Variants in AGMO observed in about 807,000 individuals in gnomAD.
AGMO encodes glyceryl-ether monooxygenase.
In AGMO, 75 loss-of-function variants were observed where a neutral mutation model predicts 60.2. The observed-to-expected ratio is 1.25, with a 90% CI of 1.03 to 1.51. The LOEUF is 1.51. AGMO is among the 40% of genes most tolerant of loss of function. AGMO has a pLI of 0.00. For synonymous variants in AGMO, 261 were observed against 177.1 expected (o/e 1.47, Z -3.76); for missense variants, 763 against 525.5 (o/e 1.45, Z -4.42).
intron 10 of AGMO, among the ~76,000 whole-genome samples, chr7:15,381,108 C>A (rs766746122): frequency 1.1e-4 from 17 of 152,034 alleles, no homozygotes; most frequent in Non-Finnish European, 2.5e-4. Flanking sequence ...CCATTCAGGA[C>A]ACAGACAAAA....
intron 12 of AGMO, among the ~76,000 whole-genome samples, chr7:15,256,058 G>T (rs1425903021): frequency 1.3e-5 from 2 of 152,210 alleles, no homozygotes; most frequent in Admixed American, 1.3e-4. Context: ...AATACTTGAG[G>T]TGGTAAACCC....
At chr7:15,499,985 A>C (rs1361605254) in intron 3 of AGMO, among the ~76,000 whole-genome samples, 2 of 150,534 alleles carry the variant, frequency 1.3e-5, no homozygotes, top group Non-Finnish European at 3.0e-5. Context: ...TGGATTTTGA[A>C]GTAAGAGTTA....
At chr7:15,558,023 C>G (rs140170674) in intron 2 of AGMO, among the ~76,000 whole-genome samples, 6 of 150,518 alleles carry the variant, frequency 4.0e-5, no homozygotes, top group African/African-American at 9.8e-5. Context: ...CTCTCTCCCC[C>G]CTTTCCCCTT....
chr7:15,478,957 A>G (rs1009095623), intron 3 of AGMO, among the ~76,000 whole-genome samples: 3 of 152,126 alleles, frequency 2.0e-5, no homozygotes, highest in South Asian at 2.1e-4. Flanking sequence ...GGGAAACTTA[A>G]TCTTGTATAG....
chr7:15,387,921 T>TTTC (rs1554265131), intron 8 of AGMO, among the ~76,000 whole-genome samples: 5 of 146,748 alleles, frequency 3.4e-5, no homozygotes, highest in African/African-American at 7.8e-5. Flanking sequence ...TTTTTTTTTT[T>TTTC]CCCCAAGACA....
At chr7:15,351,206 G>A (rs540914804) in intron 12 of AGMO, among the ~76,000 whole-genome samples, 79 of 152,036 alleles carry the variant, frequency 5.2e-4, no homozygotes, top group Non-Finnish European at 1.0e-3. Flanking sequence ...ATGGGAAAGG[G>A]TCCTCATGAA....
chr7:15,197,946 G>A (rs1032821111), downstream of AGMO, among the ~76,000 whole-genome samples: 1 of 152,086 alleles, frequency 6.6e-6, no homozygotes, highest in Non-Finnish European at 1.5e-5. Context: ...TCATGGGCCT[G>A]TACAAGTTAT....
chr7:15,379,893 G>C (rs1409788960), intron 10 of AGMO, among the ~76,000 whole-genome samples: 3 of 152,068 alleles, frequency 2.0e-5, no homozygotes, highest in Admixed American at 2.0e-4. Context: ...TACGTTAACA[G>C]AACTAAAGAC....
At chr7:15,498,860 G>T (rs1326837663) in intron 3 of AGMO, among the ~76,000 whole-genome samples, 1 of 151,874 alleles carries the variant, frequency 6.6e-6, no homozygotes, top group Non-Finnish European at 1.5e-5. Flanking sequence ...AGTGCTTCTA[G>T]ATTTCGAACT....
intron 12 of AGMO, among the ~76,000 whole-genome samples, chr7:15,276,263 C>G (rs13227025): frequency 6.6e-6 from 1 of 152,066 alleles, no homozygotes; most frequent in East Asian, 1.9e-4. Flanking sequence ...TTGTCTGGGA[C>G]AGACTATTTC....
chr7:15,329,633 C>T (rs933223330), intron 12 of AGMO, among the ~76,000 whole-genome samples: 6 of 152,156 alleles, frequency 3.9e-5, no homozygotes, highest in South Asian at 2.1e-4. Flanking sequence ...ATACTAAAGG[C>T]GTCGCTTAAT....
intron 10 of AGMO, among the ~76,000 whole-genome samples, chr7:15,381,453 AT>A (rs1783681398): frequency 6.6e-6 from 1 of 152,174 alleles, no homozygotes; most frequent in Admixed American, 6.5e-5. Flanking sequence ...TGTTAGAGAA[AT>A]GCAAATCAAA....
At chr7:15,366,700 C>G (rs1782997903) in intron 10 of AGMO, among the ~76,000 whole-genome samples, 1 of 151,992 alleles carries the variant, frequency 6.6e-6, no homozygotes, top group African/African-American at 2.4e-5. Flanking sequence ...TACACATATA[C>G]ACTCATATTT....
chr7:15,230,176 T>C (rs1782217206), intron 12 of AGMO, among the ~76,000 whole-genome samples: 1 of 152,056 alleles, frequency 6.6e-6, no homozygotes, highest in Admixed American at 6.6e-5. Context: ...GAAACAGTAA[T>C]ACCAGCAGCA....
the AGMO span, among the ~76,000 whole-genome samples, chr7:15,147,472 C>T: frequency 6.6e-6 from 1 of 152,086 alleles, no homozygotes; most frequent in Non-Finnish European, 1.5e-5. Flanking sequence ...GAGACTTATT[C>T]ACTATCCCAA....
At chr7:15,349,911 TG>T (rs898270814) in intron 12 of AGMO, among the ~76,000 whole-genome samples, 2 of 151,988 alleles carry the variant, frequency 1.3e-5, no homozygotes, top group Admixed American at 6.6e-5. Flanking sequence ...TCCTATGACA[TG>T]GGGGGATTAT....
intron 12 of AGMO, among the ~76,000 whole-genome samples, chr7:15,286,391 T>A (rs1034924987): frequency 2.6e-5 from 4 of 151,190 alleles, no homozygotes; most frequent in African/African-American, 9.7e-5. Flanking sequence ...AAACAAATAA[T>A]CCCATCAAAA....
At chr7:15,360,213 C>G (rs1318247267) in intron 12 of AGMO, among the ~76,000 whole-genome samples, 1 of 152,172 alleles carries the variant, frequency 6.6e-6, no homozygotes, top group Non-Finnish European at 1.5e-5. Flanking sequence ...ACTCAAAAAT[C>G]TGGTTGGAAT....
At chr7:15,242,177 T>C (rs1782609578) in intron 12 of AGMO, among the ~76,000 whole-genome samples, 1 of 152,160 alleles carries the variant, frequency 6.6e-6, no homozygotes, top group African/African-American at 2.4e-5. Flanking sequence ...TCATACATAA[T>C]CAGGGCATGA....
Sources: allele counts gnomAD v4.1 joint callset (sites outside exome capture counted in the v4.1 genomes callset), GRCh38; gene constraint gnomAD v4.1.1; transcripts MANE v1.5; gene names NCBI Gene and HGNC (gene_info 2026-07-23, HGNC 2026-07-21).